The following NCOA2 variants were observed in gnomAD, a reference collection of about 807,000 sequenced individuals.
NCOA2 encodes the protein class E basic helix-loop-helix protein 75.
A neutral mutation model predicts 145.1 loss-of-function variants in NCOA2; 21 were observed. The observed-to-expected ratio is 0.14, with a 90% CI of 0.10 to 0.21. The LOEUF is 0.21. Among genes scored for constraint, NCOA2 ranks in the 10% least tolerant of loss-of-function variants. NCOA2 has a pLI of 1.00. For missense variants in NCOA2, 1,472 were observed against 1,837.6 expected (o/e 0.80, Z 3.64); for synonymous variants, 619 against 637.5 (o/e 0.97, Z 0.44).
chr8:70,403,023 G>T (rs1309667929), intron 1 of NCOA2, among the ~76,000 whole-genome samples: 1 of 120,284 alleles, frequency 8.3e-6, no homozygotes, highest in African/African-American at 3.1e-5. Context: ...GCCACCCGCC[G>T]GGCCGCGGCT....
intron 2 of NCOA2, among the ~76,000 whole-genome samples, chr8:70,289,395 G>C (rs1826495245): frequency 6.6e-6 from 1 of 152,158 alleles, no homozygotes; most frequent in Non-Finnish European, 1.5e-5. Context: ...AAAAGTCTCA[G>C]TACTCATATC....
At chr8:70,134,044 C>CGCCCCTTTCT (rs963593487) in intron 15 of NCOA2, among the ~76,000 whole-genome samples, 12 of 152,180 alleles carry the variant, frequency 7.9e-5, no homozygotes, top group Non-Finnish European at 1.5e-4. Context: ...TTCCCACTCC[C>CGCCCCTTTCT]GCCCCTTTCT....
intron 2 of NCOA2, among the ~76,000 whole-genome samples, chr8:70,222,291 G>C (rs573637167): frequency 2.6e-5 from 4 of 152,114 alleles, no homozygotes; most frequent in Admixed American, 1.3e-4. Flanking sequence ...ACTATTATTA[G>C]GATATGATTT....
chr8:70,433,948 C>G, the NCOA2 span, among the ~76,000 whole-genome samples: 1 of 151,958 alleles, frequency 6.6e-6, no homozygotes, highest in Non-Finnish European at 1.5e-5. Flanking sequence ...TCTGGAACTT[C>G]AGGGAAAAAA....
chr8:70,231,238 C>T (rs909793261), intron 2 of NCOA2, among the ~76,000 whole-genome samples: 8 of 152,176 alleles, frequency 5.3e-5, no homozygotes, highest in African/African-American at 1.7e-4. Context: ...TTTAAAAATG[C>T]TTTGCTAATT....
chr8:70,192,680 G>A (rs1816819646), intron 4 of NCOA2, among the ~76,000 whole-genome samples: 1 of 152,204 alleles, frequency 6.6e-6, no homozygotes, highest in Admixed American at 6.5e-5. Context: ...TGGATGTGTT[G>A]ATCAATTAGC....
intron 1 of NCOA2, among the ~76,000 whole-genome samples, chr8:70,318,395 A>G (rs956204312): frequency 6.6e-6 from 1 of 152,134 alleles, no homozygotes; most frequent in Non-Finnish European, 1.5e-5. Flanking sequence ...TTGTTGCCTC[A>G]GCATATCTTT....
chr8:70,449,858 A>G, the NCOA2 span, among the ~76,000 whole-genome samples: 2 of 152,246 alleles, frequency 1.3e-5, no homozygotes, highest in African/African-American at 4.8e-5. Flanking sequence ...ACCTTTAGCA[A>G]TAAAAGTGCT....
At chr8:70,405,863 C>T (rs540473248), upstream of NCOA2, among the ~76,000 whole-genome samples, 126 of 152,228 alleles carry the variant, frequency 8.3e-4, 1 homozygote, top group African/African-American at 2.9e-3. Flanking sequence ...AAACGTCTTA[C>T]GACGGCTGAA....
At chr8:70,185,253 G>C (rs886345411) in intron 4 of NCOA2, among the ~76,000 whole-genome samples, 5 of 152,090 alleles carry the variant, frequency 3.3e-5, no homozygotes, top group Non-Finnish European at 7.4e-5. Context: ...AGCAATCATG[G>C]GAGGACCTCA....
chr8:70,343,715 G>C (rs573643638), intron 1 of NCOA2, among the ~76,000 whole-genome samples: 28 of 151,940 alleles, frequency 1.8e-4, no homozygotes, highest in Admixed American at 8.5e-4. Context: ...GGAGGCTGAG[G>C]CAGGAGAATC....
At chr8:70,289,754 T>C (rs910884175) in intron 2 of NCOA2, among the ~76,000 whole-genome samples, 3 of 152,138 alleles carry the variant, frequency 2.0e-5, no homozygotes, top group African/African-American at 7.2e-5. Context: ...TAAAAGATCC[T>C]CCTCAAAATT....
chr8:70,415,400 G>C, the NCOA2 span, among the ~76,000 whole-genome samples: 1 of 152,144 alleles, frequency 6.6e-6, no homozygotes, highest in South Asian at 2.1e-4. Flanking sequence ...ATTTACAGCA[G>C]ATGCGGCCCA....
chr8:70,441,246 GAGAA>G, the NCOA2 span, among the ~76,000 whole-genome samples: 1 of 138,474 alleles, frequency 7.2e-6, no homozygotes, highest in Non-Finnish European at 1.6e-5. Context: ...AAAGAGGAAA[GAGAA>G]AGAAAGGGGA....
intron 19 of NCOA2, 73 bp downstream of exon 19, chr8:70,126,740 A>G (rs897468634): frequency 1.5e-5 from 19 of 1,232,268 alleles, no homozygotes; most frequent in Non-Finnish European, 2.2e-5. Flanking sequence ...GTGAGAGAGG[A>G]GCTGTGACCC....
chr8:70,115,387 AAGG>A (rs2131194154), intron 22 of NCOA2, among the ~76,000 whole-genome samples: 1 of 152,332 alleles, frequency 6.6e-6, no homozygotes, highest in South Asian at 2.1e-4. Flanking sequence ...CAGTTTGATG[AAGG>A]AGAATGCTGT....
At chr8:70,170,665 T>C (rs1378538060) in intron 5 of NCOA2, among the ~76,000 whole-genome samples, 1 of 152,056 alleles carries the variant, frequency 6.6e-6, no homozygotes, top group East Asian at 1.9e-4. Context: ...ATAATTACCG[T>C]GAAGTAAAAG....
chr8:70,335,852 C>T (rs571580854), intron 1 of NCOA2, among the ~76,000 whole-genome samples: 1 of 152,218 alleles, frequency 6.6e-6, no homozygotes, highest in South Asian at 2.1e-4. Context: ...GCTTCCAGAC[C>T]ACAAACCTGT....
chr8:70,366,994 C>T (rs1810756275), intron 1 of NCOA2, among the ~76,000 whole-genome samples: 1 of 152,204 alleles, frequency 6.6e-6, no homozygotes, highest in Admixed American at 6.5e-5. Context: ...AGGATACTCT[C>T]ATCATCCACA....
Sources: allele counts gnomAD v4.1 joint callset (sites outside exome capture counted in the v4.1 genomes callset), GRCh38; gene constraint gnomAD v4.1.1; transcripts MANE v1.5; gene names NCBI Gene and HGNC (gene_info 2026-07-23, HGNC 2026-07-21).